Variants in AVEN observed in about 807,000 individuals in gnomAD.
AVEN encodes the protein cell death regulator Aven.
Under a neutral mutation model 38.1 loss-of-function variants are expected in AVEN, and 41 were observed. The ratio of observed to expected loss-of-function variants is 1.08; its 90% CI spans 0.84 to 1.40. The LOEUF is 1.40. AVEN is among the 40% of genes most tolerant of loss of function. The probability of loss-of-function intolerance (pLI) is 0.00; values close to 1 mark genes in which losing one functional copy is unlikely to be tolerated. For missense variants in AVEN, 605 were observed against 438.8 expected (o/e 1.38, Z -3.38); for synonymous variants, 206 against 171.8 (o/e 1.20, Z -1.56).
chr15:33,875,067 T>C (rs1891163311), intron 3 of AVEN, among the ~76,000 whole-genome samples: 1 of 152,196 alleles, frequency 6.6e-6, no homozygotes, highest in Non-Finnish European at 1.5e-5. Flanking sequence ...TCGTAATCCG[T>C]ATGCGTCAAA....
At chr15:34,039,831 A>G (rs1287831829), upstream of AVEN, among the ~76,000 whole-genome samples, 1 of 152,218 alleles carries the variant, frequency 6.6e-6, no homozygotes, top group East Asian at 1.9e-4. Context: ...AGCCTTGGAA[A>G]GGTTAAAAAA....
intron 2 of AVEN, among the ~76,000 whole-genome samples, chr15:33,933,490 A>ATC (rs1893925865): frequency 1.8e-5 from 1 of 56,668 alleles, no homozygotes. Flanking sequence ...GCCTCCAACA[A>ATC]TCACACACAC....
chr15:33,959,279 T>C (rs1895079336), intron 2 of AVEN, among the ~76,000 whole-genome samples: 1 of 152,206 alleles, frequency 6.6e-6, no homozygotes, highest in Admixed American at 6.5e-5. Flanking sequence ...GTTTATGCCA[T>C]ACTTTTTTAA....
chr15:33,891,916 G>A (rs536016781), intron 2 of AVEN, among the ~76,000 whole-genome samples: 4 of 152,158 alleles, frequency 2.6e-5, no homozygotes, highest in East Asian at 1.9e-4. Flanking sequence ...CTTAATGATC[G>A]CCATTCTAAC....
intron 2 of AVEN, among the ~76,000 whole-genome samples, chr15:33,974,715 G>A (rs1041840912): frequency 6.6e-6 from 1 of 152,206 alleles, no homozygotes; most frequent in Non-Finnish European, 1.5e-5. Flanking sequence ...GCTCACGCCT[G>A]TAATCCCAGC....
intron 2 of AVEN, among the ~76,000 whole-genome samples, chr15:33,947,852 C>T (rs1894565816): frequency 6.6e-6 from 1 of 152,036 alleles, no homozygotes; most frequent in Non-Finnish European, 1.5e-5. Context: ...TCATTTGAAA[C>T]AAAAATTATG....
intron 2 of AVEN, among the ~76,000 whole-genome samples, 191 bp from the exon 3 acceptor site, chr15:33,876,186 T>C (rs1213142500): frequency 7.1e-6 from 1 of 141,016 alleles, no homozygotes; most frequent in Non-Finnish European, 1.5e-5. Context: ...AATGTTAACA[T>C]TTGATAAGAT....
At chr15:33,897,306 T>A (rs549092912) in intron 2 of AVEN, among the ~76,000 whole-genome samples, 5 of 139,160 alleles carry the variant, frequency 3.6e-5, no homozygotes, top group African/African-American at 1.3e-4. Context: ...TTAATTAATT[T>A]ATTTATTTTG....
rs560513360 is a variant in AVEN at position 33,893,671 on chromosome 15, T to A, written c.446-17676A>T. 2.0e-5 allele frequency among the ~76,000 whole-genome samples: 3 copies of A among 152,352 alleles called. No homozygotes were observed. The East Asian group carries it at 5.8e-4, about 29-fold the overall frequency. ...TGGACTTTCTTTCCTGAATAAAAAC[T>A]GGCATCACCACTACTAGCAAAGTGA... On this transcript the variant is annotated intron_variant, in intron 2 of 5. Transcript: ENST00000306730.
intron 2 of AVEN, among the ~76,000 whole-genome samples, chr15:33,892,476 A>C (rs1243916196): frequency 2.0e-5 from 3 of 151,892 alleles, no homozygotes; most frequent in East Asian, 1.9e-4. Flanking sequence ...CCATTTATTA[A>C]ATAGGGAATC....
chr15:33,876,442 C>T (rs536197951), intron 2 of AVEN, among the ~76,000 whole-genome samples: 182 of 111,132 alleles, frequency 1.6e-3, no homozygotes, highest in African/African-American at 4.3e-3. Context: ...CGTGGTGGCA[C>T]GTGCCTATAA....
chr15:33,862,037 A>G (rs1264923908), downstream of AVEN, among the ~76,000 whole-genome samples: 1 of 152,132 alleles, frequency 6.6e-6, no homozygotes, highest in East Asian at 1.9e-4. Flanking sequence ...ACTTGAACCT[A>G]TTGGGTGCTA....
At chr15:33,988,328 A>G (rs190938622) in intron 2 of AVEN, among the ~76,000 whole-genome samples, 213 of 152,356 alleles carry the variant, frequency 1.4e-3, no homozygotes, top group African/African-American at 4.8e-3. Context: ...GAAGCCAGGC[A>G]TACTTAAGTT....
intron 1 of AVEN, among the ~76,000 whole-genome samples, chr15:34,012,248 C>T (rs1210591466): frequency 6.6e-6 from 1 of 150,678 alleles, no homozygotes; most frequent in Non-Finnish European, 1.5e-5. Flanking sequence ...GAAAAGATAC[C>T]GTTTTGCTTT....
intron 2 of AVEN, among the ~76,000 whole-genome samples, chr15:33,933,277 C>G (rs756592554): frequency 3.9e-5 from 6 of 152,032 alleles, no homozygotes; most frequent in Non-Finnish European, 8.8e-5. Context: ...CTGTTCTACA[C>G]AAAGCTGGAG....
intron 1 of AVEN, among the ~76,000 whole-genome samples, chr15:34,028,373 T>C (rs1219674898): frequency 6.6e-6 from 1 of 152,122 alleles, no homozygotes; most frequent in Non-Finnish European, 1.5e-5. Context: ...GAGAGCAGCC[T>C]GTGCAACCTG....
intron 2 of AVEN, among the ~76,000 whole-genome samples, chr15:33,975,602 G>T (rs2140508103): frequency 6.6e-6 from 1 of 152,334 alleles, no homozygotes; most frequent in African/African-American, 2.4e-5. Flanking sequence ...ATAGAACTCA[G>T]AATTCAGTGT....
At chr15:33,929,265 G>T in intron 2 of AVEN, among the ~76,000 whole-genome samples, 1 of 152,082 alleles carries the variant, frequency 6.6e-6, no homozygotes, top group East Asian at 1.9e-4. Context: ...TCCCTCCATG[G>T]TAAGTATGCT....
At chr15:33,958,234 T>C (rs1050420458) in intron 2 of AVEN, among the ~76,000 whole-genome samples, 4 of 152,210 alleles carry the variant, frequency 2.6e-5, no homozygotes, top group Admixed American at 2.6e-4. Flanking sequence ...CCTCCTGTTT[T>C]CCTTACCTTG....
Sources: allele counts gnomAD v4.1 joint callset (sites outside exome capture counted in the v4.1 genomes callset), GRCh38; gene constraint gnomAD v4.1.1; transcripts MANE v1.5; gene names NCBI Gene and HGNC (gene_info 2026-07-23, HGNC 2026-07-21).